Variants in STAB2 observed in about 807,000 individuals in gnomAD.
STAB2 encodes stabilin 2, also known as stabilin-2.
In STAB2, 288 loss-of-function variants were observed where a neutral mutation model predicts 338.1. The observed-to-expected ratio is 0.85, with a 90% confidence interval of 0.77 to 0.94. STAB2 has a LOEUF of 0.94. Among genes scored for constraint, STAB2 ranks in the 40% least tolerant of loss-of-function variants. STAB2 has a pLI of 0.00. For synonymous variants in STAB2, 1,202 were observed against 1,193.3 expected, an observed-to-expected ratio of 1.01 and a Z score of -0.15; for missense variants, 3,141 against 3,210.1, an observed-to-expected ratio of 0.98 and a Z score of 0.52.
rs905968314 is a variant in STAB2 at position 103,731,753 on chromosome 12, T to A, written c.5283+118T>A. The A allele has an allele frequency of 1.1e-5, 11 of 975,352 alleles. No individual in the cohort carries two copies. The African/African-American group carries it at 1.8e-4, about 16-fold the overall frequency. 60.4% of individuals were successfully genotyped at this position (975,352 alleles called of 1,614,324 possible). On this transcript the variant is annotated intron_variant, in intron 50 of 68. Transcript: ENST00000388887. Reference sequence around the variant, plus strand: ...TTGGCCAGCTGTTGTGGGATCTGCATGGGGAAGTCTCAGTTTTCTGGAGAG... The same window carrying A: ...TTGGCCAGCTGTTGTGGGATCTGCAAGGGGAAGTCTCAGTTTTCTGGAGAG...
At chr12:103,683,448 G>T in intron 26 of STAB2, 148 bp downstream of exon 26, 4 of 601,556 alleles carry the variant, frequency 6.6e-6, no homozygotes, top group Non-Finnish European at 1.1e-5. Context: ...AGTAGTTATT[G>T]CAACTTCTAC....
chr12:103,675,882 C>G, intron 23 of STAB2, 46 bp from the exon 24 acceptor site: 1 of 1,497,620 alleles, frequency 6.7e-7, no homozygotes, highest in East Asian at 2.3e-5. Flanking sequence ...TCTTCTGGGT[C>G]GTTGGTGCTT....
intron 25 of STAB2, among the ~76,000 whole-genome samples, chr12:103,682,261 T>C (rs887613903): frequency 1.3e-5 from 2 of 152,038 alleles, no homozygotes; most frequent in Admixed American, 1.3e-4. Context: ...TCAGATTGAG[T>C]GTGTCCACAT....
chr12:103,651,544 C>A (rs933430436), intron 11 of STAB2, among the ~76,000 whole-genome samples: 19 of 151,776 alleles, frequency 1.3e-4, no homozygotes, highest in African/African-American at 4.4e-4. Flanking sequence ...CATCTCCTGA[C>A]CTCGTGATCT....
chr12:103,678,839 C>T (rs1216564314), intron 25 of STAB2, among the ~76,000 whole-genome samples: 2 of 152,026 alleles, frequency 1.3e-5, no homozygotes, highest in Middle Eastern at 3.2e-3. Context: ...GCCAATCTTC[C>T]TTATTTAAAA....
intron 18 of STAB2, 119 bp downstream of exon 18, chr12:103,663,117 C>T: frequency 2.3e-6 from 3 of 1,287,394 alleles, no homozygotes; most frequent in Middle Eastern, 2.1e-4. Flanking sequence ...AACCTTGTCC[C>T]CAAAGGGCTT....
chr12:103,661,329 G>C (rs1307859155), intron 17 of STAB2, among the ~76,000 whole-genome samples: 1 of 152,066 alleles, frequency 6.6e-6, no homozygotes, highest in Admixed American at 6.5e-5. Flanking sequence ...CTAACTCCCT[G>C]GGGTTGCAAT....
At chr12:103,632,382 G>A (rs1373854070) in intron 6 of STAB2, among the ~76,000 whole-genome samples, 11 of 152,318 alleles carry the variant, frequency 7.2e-5, no homozygotes, top group Non-Finnish European at 1.5e-5. Context: ...CCGTCCCCAA[G>A]GCTGGATTTA....
At chr12:103,693,949 G>C (rs189516103) in intron 31 of STAB2, among the ~76,000 whole-genome samples, 1 of 150,840 alleles carries the variant, frequency 6.6e-6, no homozygotes, top group Non-Finnish European at 1.5e-5. Context: ...TCAAGAGATC[G>C]AAACCATCCT....
chr12:103,755,849 G>A, intron 63 of STAB2, 131 bp downstream of exon 63: 1 of 797,162 alleles, frequency 1.3e-6, no homozygotes, highest in Non-Finnish European at 2.0e-6. Context: ...CACCTTGCCT[G>A]AATCTAAAGC....
chr12:103,744,528 G>A (rs1028525441), intron 56 of STAB2, among the ~76,000 whole-genome samples: 2 of 146,120 alleles, frequency 1.4e-5, no homozygotes, highest in Non-Finnish European at 3.0e-5. Flanking sequence ...ATACAGTGGT[G>A]TGATCACAGC....
rs533695912 is a variant in STAB2, at chr12:103,727,163, A to G, written c.4852-104A>G. On this transcript the variant is annotated intron_variant, in intron 46 of 68. Coordinates refer to ENST00000388887, the MANE Select transcript of STAB2 (RefSeq NM_017564.10). Reference sequence around the variant, plus strand: ...GACTGAAACAGAGGTCTCCTCATCCAGTCTTTGCTTCACCCAGGTGCCATC... The same window carrying G: ...GACTGAAACAGAGGTCTCCTCATCCGGTCTTTGCTTCACCCAGGTGCCATC... The G allele has an allele frequency of 4.8e-5, 55 of 1,151,304 alleles. No individual in the cohort carries two copies. The African/African-American group carries it at 7.6e-4, about 16-fold the overall frequency. The allele number at this position is 1,151,304 out of a possible 1,614,324, so 71.3% of individuals were successfully genotyped here. A position where few individuals can be genotyped will look rare whatever the true frequency, so the allele number is the denominator to read the frequency against.
At chr12:103,630,288 A>G (rs1454786485) in intron 5 of STAB2, among the ~76,000 whole-genome samples, 1 of 152,224 alleles carries the variant, frequency 6.6e-6, no homozygotes, top group Non-Finnish European at 1.5e-5. Context: ...AGAGAAAACA[A>G]AGGATTTGAT....
At position 103,717,981 on chromosome 12, in the gene STAB2, C is replaced by A. The variant is rs1880463997; in HGVS notation, c.4683+140C>A. Reference sequence around the variant, plus strand: ...TGTGTTGACCATGAGGCTTGTTTCTCTGGCACACTCCATTGTAATGTTGGG... The same window carrying A: ...TGTGTTGACCATGAGGCTTGTTTCTATGGCACACTCCATTGTAATGTTGGG... On this transcript the variant is annotated intron_variant, in intron 44 of 68. Transcript: ENST00000388887. 3.8e-6 allele frequency: 3 copies of A among 790,900 alleles called. No individual in the cohort carries two copies. In the South Asian group the frequency reaches 5.0e-5, roughly 13 times the overall value. The allele number at this position is 790,900 out of a possible 1,614,324, so 49.0% of individuals were successfully genotyped here. A position where few individuals can be genotyped will look rare whatever the true frequency, so the allele number is the denominator to read the frequency against.
intron 15 of STAB2, among the ~76,000 whole-genome samples, chr12:103,659,625 G>A (rs1295249766): frequency 6.6e-6 from 1 of 152,188 alleles, no homozygotes; most frequent in Admixed American, 6.5e-5. Context: ...CAAAGAGTGT[G>A]GTCCCTGTGT....
At chr12:103,644,395 G>A (rs1367370515) in intron 9 of STAB2, among the ~76,000 whole-genome samples, 2 of 149,776 alleles carry the variant, frequency 1.3e-5, no homozygotes, top group African/African-American at 2.4e-5. Context: ...CAAACACTGC[G>A]GAAGGCCGCA....
rs373741792 is a variant in STAB2, at chr12:103,675,917, C to G, written c.2553-11C>G. The stretch of plus-strand genomic sequence containing the variant: ...TATTCTGGGGCTGATATTGCACACT[C>G]TCCTTTGCAGTTGTATTTGCAAAGC... On this transcript the variant is annotated splice_polypyrimidine_tract_variant and intron_variant, in intron 23 of 68. Coordinates refer to ENST00000388887, the MANE Select transcript of STAB2 (RefSeq NM_017564.10). 25 of 1,606,300 alleles carry G rather than the reference C, an allele frequency of 1.6e-5. No homozygotes were observed. The highest frequency in any genetic ancestry group is 5.4e-5 in the African/African-American group (4 of 74,594).
chr12:103,703,509 G>C (rs533473658), intron 35 of STAB2, among the ~76,000 whole-genome samples: 2 of 152,268 alleles, frequency 1.3e-5, no homozygotes, highest in South Asian at 2.1e-4. Flanking sequence ...GTTGTACCTT[G>C]TGTGCCTGGG....
At chr12:103,766,136 A>T in intron 68 of STAB2, 150 bp from the exon 69 acceptor site, 1 of 1,075,296 alleles carries the variant, frequency 9.3e-7, no homozygotes, top group South Asian at 1.3e-5. Context: ...GCCTCCCAAC[A>T]CAAGGCAGCA....
Sources: allele counts gnomAD v4.1 joint callset (sites outside exome capture counted in the v4.1 genomes callset), GRCh38; gene constraint gnomAD v4.1.1; transcripts MANE v1.5; gene names NCBI Gene and HGNC (gene_info 2026-07-23, HGNC 2026-07-21).